ADD3: variants seen among roughly 807,000 people sequenced by gnomAD.
The protein encoded by ADD3 is adducin 3.
ADD3 carries 25 observed loss-of-function variants against 80.2 expected under a neutral mutation model. The ratio of observed to expected loss-of-function variants is 0.31; its 90% CI spans 0.23 to 0.44. The LOEUF (loss-of-function observed/expected upper bound fraction) is 0.44, where lower values mean the gene tolerates loss of function less well. ADD3 is among the 20% of genes least tolerant of loss of function. ADD3 has a pLI of 1.00. For missense variants in ADD3, 829 were observed against 847.5 expected, an observed-to-expected ratio of 0.98 and a Z score of 0.27; for synonymous variants, 284 against 289.6, an observed-to-expected ratio of 0.98 and a Z score of 0.20.
chr10:110,074,588 T>TA (rs750831146), intron 1 of ADD3, among the ~76,000 whole-genome samples: 7 of 151,870 alleles, frequency 4.6e-5, no homozygotes, highest in South Asian at 2.1e-4. Context: ...TTTTTTTTTT[T>TA]ATCTTAAACA....
intron 1 of ADD3, among the ~76,000 whole-genome samples, chr10:110,039,836 A>AGT (rs1393712161): frequency 1.3e-5 from 2 of 152,204 alleles, no homozygotes; most frequent in Non-Finnish European, 2.9e-5. Context: ...GCAATGCCAT[A>AGT]GTTCCTCATG....
At chr10:110,107,757 T>C (rs772493392) in intron 2 of ADD3, among the ~76,000 whole-genome samples, 23 of 152,256 alleles carry the variant, frequency 1.5e-4, no homozygotes, top group Middle Eastern at 3.4e-3. Context: ...TAAAATAACA[T>C]AAGAGCATGC....
intron 1 of ADD3, chr10:110,075,508 A>G (rs1402721769): frequency 6.6e-6 from 1 of 152,182 alleles, no homozygotes; most frequent in Non-Finnish European, 1.5e-5. Context: ...GAAAGCCCCA[A>G]AAGGAAACAG....
chr10:110,047,243 ACT>A (rs1454006535), intron 1 of ADD3, among the ~76,000 whole-genome samples: 1 of 152,200 alleles, frequency 6.6e-6, no homozygotes, highest in Non-Finnish European at 1.5e-5. Context: ...AATATAGGTA[ACT>A]CACAATTTAC....
chr10:110,024,731 T>G (rs1854078595), intron 1 of ADD3, among the ~76,000 whole-genome samples: 2 of 152,358 alleles, frequency 1.3e-5, no homozygotes, highest in South Asian at 4.1e-4. Flanking sequence ...GCACTCAGTT[T>G]TTTAAAAGCA....
chr10:110,024,774 A>C (rs1854082408), intron 1 of ADD3, among the ~76,000 whole-genome samples: 3 of 152,208 alleles, frequency 2.0e-5, no homozygotes, highest in Admixed American at 2.0e-4. Flanking sequence ...AGTTAAACTT[A>C]CTATTTGAAT....
intron 1 of ADD3, among the ~76,000 whole-genome samples, chr10:110,076,564 G>A (rs1845398063): frequency 6.6e-6 from 1 of 152,130 alleles, no homozygotes; most frequent in African/African-American, 2.4e-5. Context: ...CTAGAGCACT[G>A]GTGAGGAGAG....
intron 1 of ADD3, among the ~76,000 whole-genome samples, chr10:110,073,159 T>TTTTC (rs1554932882): frequency 6.8e-6 from 1 of 147,030 alleles, no homozygotes; most frequent in African/African-American, 2.6e-5. Flanking sequence ...TTTTTTTTTT[T>TTTTC]CGAGACTGGG....
intron 1 of ADD3, among the ~76,000 whole-genome samples, chr10:110,070,613 T>A (rs1307460290): frequency 6.6e-6 from 1 of 152,138 alleles, no homozygotes; most frequent in Non-Finnish European, 1.5e-5. Context: ...TACAGACTAG[T>A]TTTGTTTTTG....
At chr10:110,112,571 C>G (rs1301490868) in intron 2 of ADD3, among the ~76,000 whole-genome samples, 1 of 152,108 alleles carries the variant, frequency 6.6e-6, no homozygotes, top group Non-Finnish European at 1.5e-5. Context: ...ATGAAGAATG[C>G]CTAGTGGTTT....
intron 2 of ADD3, among the ~76,000 whole-genome samples, chr10:110,108,489 G>A (rs931581473): frequency 6.6e-5 from 10 of 152,024 alleles, no homozygotes; most frequent in African/African-American, 2.2e-4. Flanking sequence ...ACTTTGTGGT[G>A]AGACTCAAAT....
intron 1 of ADD3, among the ~76,000 whole-genome samples, chr10:110,071,228 C>A (rs1225824712): frequency 1.3e-5 from 2 of 152,100 alleles, no homozygotes; most frequent in Non-Finnish European, 2.9e-5. Flanking sequence ...GCCTACAGAG[C>A]CCCATATCCT....
At chr10:110,005,208 C>G (rs1851579404), upstream of ADD3, among the ~76,000 whole-genome samples, 1 of 151,616 alleles carries the variant, frequency 6.6e-6, no homozygotes. Context: ...ATTACAGGCG[C>G]CTGCCACCAC....
chr10:110,010,406 G>A (rs776759723), intron 1 of ADD3, among the ~76,000 whole-genome samples: 42 of 152,176 alleles, frequency 2.8e-4, no homozygotes, highest in Non-Finnish European at 2.8e-4. Flanking sequence ...TAAAAGCATA[G>A]AAACCTGGCT....
chr10:110,059,614 C>T (rs977169018), intron 1 of ADD3, among the ~76,000 whole-genome samples: 1 of 151,744 alleles, frequency 6.6e-6, no homozygotes, highest in Non-Finnish European at 1.5e-5. Context: ...ACCAAAAATA[C>T]AAAAATTAGC....
chr10:110,021,011 A>G (rs2044799), intron 1 of ADD3, among the ~76,000 whole-genome samples: 1 of 112,800 alleles, frequency 8.9e-6, no homozygotes, highest in Non-Finnish European at 2.0e-5. Flanking sequence ...GGCCGACTAT[A>G]TAAACTTGTG....
At chr10:110,001,414 C>CAA (rs35498781), upstream of ADD3, among the ~76,000 whole-genome samples, 4 of 120,320 alleles carry the variant, frequency 3.3e-5, no homozygotes, top group Middle Eastern at 4.0e-3. Flanking sequence ...GACCCTGTCT[C>CAA]AAAAAAAAAA....
chr10:110,084,183 T>C (rs1179918468), intron 1 of ADD3, among the ~76,000 whole-genome samples: 1 of 152,188 alleles, frequency 6.6e-6, no homozygotes, highest in South Asian at 2.1e-4. Flanking sequence ...AAGTTTACTC[T>C]TCCTGGTGAA....
chr10:110,077,807 C>G (rs755937985), intron 1 of ADD3, among the ~76,000 whole-genome samples: 17 of 152,030 alleles, frequency 1.1e-4, no homozygotes, highest in South Asian at 4.2e-4. Context: ...ATCTTTTTTC[C>G]CCCTCACACA....
Sources: allele counts gnomAD v4.1 joint callset (sites outside exome capture counted in the v4.1 genomes callset), GRCh38; gene constraint gnomAD v4.1.1; transcripts MANE v1.5; gene names NCBI Gene and HGNC (gene_info 2026-07-23, HGNC 2026-07-21).